TOLLIP: variants seen among roughly 807,000 people sequenced by gnomAD.
TOLLIP encodes the protein toll-interacting protein.
TOLLIP carries 16 observed loss-of-function variants against 33.5 expected under a neutral mutation model. That is an observed-to-expected ratio of 0.48 (90% CI 0.32 to 0.72). The LOEUF (loss-of-function observed/expected upper bound fraction) is 0.72, where lower values mean the gene tolerates loss of function less well. Ranked by LOEUF, TOLLIP falls within the 30% of genes least tolerant of loss-of-function variation. The pLI is 0.03. For missense variants in TOLLIP, 325 were observed against 396.6 expected (o/e 0.82, Z 1.53); for synonymous variants, 176 against 163.7 (o/e 1.07, Z -0.57).
intron 1 of TOLLIP, among the ~76,000 whole-genome samples, chr11:1,301,962 C>A (rs1367005308): frequency 6.6e-6 from 1 of 152,226 alleles, no homozygotes; most frequent in Non-Finnish European, 1.5e-5. Context: ...TCGGTCAGGG[C>A]CCCAGGACTC....
At chr11:1,307,738 T>C (rs1436412804) in intron 1 of TOLLIP, among the ~76,000 whole-genome samples, 3 of 151,742 alleles carry the variant, frequency 2.0e-5, no homozygotes, top group Admixed American at 6.6e-5. Flanking sequence ...TGTGGTGGAG[T>C]AAAGATGAAG....
chr11:1,276,653 C>A lies in TOLLIP; in HGVS notation c.*386G>T. 1 of 1,326,280 alleles carries A rather than the reference C, an allele frequency of 7.5e-7. No individual in the cohort carries two copies. The highest frequency in any genetic ancestry group is 9.9e-7 in the Non-Finnish European group (1 of 1,013,234). 82.2% of individuals were successfully genotyped at this position (1,326,280 alleles called of 1,614,324 possible). On this transcript the variant is annotated 3_prime_UTR_variant, in exon 6 of 6. Transcript: ENST00000317204. ...TGTGCCTTAAATCAACAGCTCTATT[C>A]CAATTACATCACATCACAAAATGCC...
rs1864533406 is a variant in TOLLIP, at chr11:1,309,566, G to A, written c.-68C>T. 8.7e-6 allele frequency: 8 copies of A among 914,824 alleles called. No individual in the cohort carries two copies. Among genetic ancestry groups the A allele is most frequent in the Non-Finnish European group, 1.0e-5 (7 of 692,600 alleles). 56.7% of individuals were successfully genotyped at this position (914,824 alleles called of 1,614,324 possible). On this transcript the variant is annotated 5_prime_UTR_variant, in exon 1 of 6. Coordinates refer to ENST00000317204, the MANE Select transcript of TOLLIP (RefSeq NM_019009.4). ...GCGCCGGGCGACCTCCTGCGCCCCC[G>A]CCGGAGCCTGCGACGGAGACAGTTG...
intron 1 of TOLLIP, among the ~76,000 whole-genome samples, chr11:1,308,569 G>GAGTC (rs1864482212): frequency 6.6e-6 from 1 of 152,162 alleles, no homozygotes; most frequent in Non-Finnish European, 1.5e-5. Flanking sequence ...CATCATCTCT[G>GAGTC]AGTCAGTCTA....
At position 1,302,538 on chromosome 11, in the gene TOLLIP, A is replaced by G. The variant is rs1246516766; in HGVS notation, c.34-6744T>C. 7.2e-6 allele frequency: 7 copies of G among 978,930 alleles called. No individual in the cohort carries two copies. In the East Asian group the frequency reaches 5.7e-4, roughly 80 times the overall value. 60.6% of individuals were successfully genotyped at this position (978,930 alleles called of 1,614,324 possible). A position where few individuals can be genotyped will look rare whatever the true frequency, so the allele number is the denominator to read the frequency against. On this transcript the variant is annotated intron_variant, in intron 1 of 5. Coordinates refer to ENST00000317204, the MANE Select transcript of TOLLIP (RefSeq NM_019009.4). ...TGCCCACTCAGCTGCTGGCTCCCTC[A>G]CCCACCACCCTTCACAGCACCAGCA... is the stretch of plus-strand genomic sequence containing the variant.
At chr11:1,292,630 C>T (rs1748131802) in intron 2 of TOLLIP, among the ~76,000 whole-genome samples, 1 of 152,272 alleles carries the variant, frequency 6.6e-6, no homozygotes, top group South Asian at 2.1e-4. Flanking sequence ...CTGCACACAA[C>T]CACATGCTGT....
At chr11:1,298,904 C>T (rs1465432952) in intron 1 of TOLLIP, among the ~76,000 whole-genome samples, 1 of 152,242 alleles carries the variant, frequency 6.6e-6, no homozygotes, top group Non-Finnish European at 1.5e-5. Flanking sequence ...CCGTCAAGGT[C>T]CCAAAAACAC....
chr11:1,291,114 C>T (rs1435066304), intron 2 of TOLLIP: 2 of 152,208 alleles, frequency 1.3e-5, no homozygotes, highest in African/African-American at 4.8e-5. Flanking sequence ...GACAGAAGAC[C>T]GTGGCAAGTA....
Position 1,278,776 on chromosome 11 carries a change from G to C in TOLLIP, c.611-1523C>G, listed in dbSNP as rs1388799735. 6.6e-6 allele frequency among the ~76,000 whole-genome samples: 1 copy of C among 152,246 alleles called. No individual in the cohort carries two copies. The highest frequency in any genetic ancestry group is 1.5e-5 in the Non-Finnish European group (1 of 68,048). Reference sequence around the variant, plus strand: ...CGGAAAACGAACCGAACCATGGCCAGGTGGGGACGTGGCCACCCTCACCAC... The same window carrying C: ...CGGAAAACGAACCGAACCATGGCCACGTGGGGACGTGGCCACCCTCACCAC... On this transcript the variant is annotated intron_variant, in intron 5 of 5. Transcript: ENST00000317204. This position sits in a 1 kb window ranked among gnomAD's most constrained non-coding sequence, Gnocchi z 4.7.
chr11:1,286,065 G>A lies in TOLLIP; in HGVS notation c.547C>T (p.Pro183Ser), dbSNP rs1297925709. 10 of 1,599,750 alleles carry A rather than the reference G, an allele frequency of 6.3e-6. No homozygotes were observed. Among genetic ancestry groups the A allele is most frequent in the Non-Finnish European group, 7.7e-6 (9 of 1,174,446 alleles). Reference sequence around the variant, plus strand: ...GTTGGCATCAGGACCACGGGCTGGGGTGGCATCACCATGGCAGCTGGAAGC... The same window carrying A: ...GTTGGCATCAGGACCACGGGCTGGGATGGCATCACCATGGCAGCTGGAAGC... Reference protein sequence around the residue: ...ALLPAAMVMPPQPVVLMPTVY... With the variant: ...ALLPAAMVMPSQPVVLMPTVY... The change falls in exon 5 of 6, where the codon CCC becomes TCC. Residue 183 changes from proline to serine, a missense_variant. Pro to Ser is a moderately conservative substitution (Grantham distance 74, BLOSUM62 -1). Transcript: ENST00000317204.
At chr11:1,295,461 C>A in intron 2 of TOLLIP, 184 bp downstream of exon 2, 1 of 714,504 alleles carries the variant, frequency 1.4e-6, no homozygotes. Context: ...TTTGGTAGAA[C>A]CCGGGGTCAA....
chr11:1,281,414 G>A (rs2133883076), intron 5 of TOLLIP, among the ~76,000 whole-genome samples: 1 of 152,252 alleles, frequency 6.6e-6, no homozygotes. Context: ...GGCTCAGCCA[G>A]CATTCAGCCC....
intron 1 of TOLLIP, among the ~76,000 whole-genome samples, chr11:1,308,543 A>C (rs1396167547): frequency 6.6e-6 from 1 of 152,112 alleles, no homozygotes; most frequent in Non-Finnish European, 1.5e-5. Context: ...CCAGGAGGCC[A>C]CTCACGCCAG....
At chr11:1,289,948 C>T in intron 3 of TOLLIP, 1 of 421,794 alleles carries the variant, frequency 2.4e-6, no homozygotes. Context: ...GCGGCCAGAC[C>T]CTGTGCGCCC....
rs1349037378 is a variant in TOLLIP, at chr11:1,278,937, C to T, written c.611-1684G>A. ...TGGCCATCACCTGTCCCTGCCCATA[C>T]AGCTCCCCACAGCATGGCAACAAGA... On this transcript the variant is annotated intron_variant, in intron 5 of 5. Transcript: ENST00000317204. This position sits in a 1 kb window ranked among gnomAD's most constrained non-coding sequence, Gnocchi z 4.7. Among the ~76,000 whole-genome samples, 2 of 152,178 alleles carry T rather than the reference C, an allele frequency of 1.3e-5. No homozygotes were observed. The highest frequency in any genetic ancestry group is 2.4e-5 in the African/African-American group (1 of 41,450).
At chr11:1,288,806 G>C in intron 3 of TOLLIP, 30 bp from the exon 4 acceptor site, 9 of 1,603,290 alleles carry the variant, frequency 5.6e-6, no homozygotes, top group South Asian at 1.1e-5. Context: ...GAGGCCCCAG[G>C]CATCAGGGAA....
At chr11:1,284,562 G>A (rs1164547328) in intron 5 of TOLLIP, among the ~76,000 whole-genome samples, 1 of 152,158 alleles carries the variant, frequency 6.6e-6, no homozygotes, top group Non-Finnish European at 1.5e-5. Context: ...TGTTGGCCAG[G>A]ATGGTCTTGA....
intron 1 of TOLLIP, among the ~76,000 whole-genome samples, chr11:1,305,231 G>A (rs577459283): frequency 6.6e-6 from 1 of 152,186 alleles, no homozygotes; most frequent in African/African-American, 2.4e-5. Flanking sequence ...CAGCGCAAAG[G>A]TTCACAGGAA....
intron 5 of TOLLIP, chr11:1,283,454 A>T (rs1402817219): frequency 2.3e-6 from 1 of 427,294 alleles, no homozygotes; most frequent in African/African-American, 2.3e-5. Context: ...GCCCCTGCTT[A>T]TTGGAAACGC....
Sources: gnomAD v4.1 joint callset for allele counts (sites outside exome capture counted in the v4.1 genomes callset) on GRCh38, gnomAD v4.1.1 for gene constraint, Gnocchi (gnomAD v3.1) non-coding constraint, MANE v1.5 for transcripts, NCBI Gene and HGNC (gene_info 2026-07-23, HGNC 2026-07-21) for gene names.